DSCAM: variants seen among roughly 807,000 people sequenced by gnomAD.
The protein encoded by DSCAM is DS cell adhesion molecule.
In DSCAM, 47 loss-of-function variants were observed where a neutral mutation model predicts 217.7. The observed-to-expected ratio is 0.22, with a 90% CI of 0.17 to 0.28. The LOEUF is 0.28. Among genes scored for constraint, DSCAM ranks in the 10% least tolerant of loss-of-function variants. DSCAM has a pLI of 1.00. For missense variants in DSCAM, 2,080 were observed against 2,618.3 expected, an observed-to-expected ratio of 0.79 and a Z score of 4.49; for synonymous variants, 1,056 against 1,015.3, an observed-to-expected ratio of 1.04 and a Z score of -0.76.
chr21:40,336,064 G>A (rs1484389592), intron 8 of DSCAM, among the ~76,000 whole-genome samples: 1 of 152,104 alleles, frequency 6.6e-6, no homozygotes, highest in Non-Finnish European at 1.5e-5. Context: ...TAAAGCTCAC[G>A]TTATTTTTAA....
chr21:40,772,684 C>A (rs1365947044), intron 1 of DSCAM, among the ~76,000 whole-genome samples: 1 of 152,162 alleles, frequency 6.6e-6, no homozygotes, highest in Non-Finnish European at 1.5e-5. Flanking sequence ...ATCATACAAC[C>A]TCCCCCTTCC....
At chr21:40,033,797 G>C (rs1225965728) in intron 32 of DSCAM, among the ~76,000 whole-genome samples, 2 of 150,888 alleles carry the variant, frequency 1.3e-5, no homozygotes, top group South Asian at 4.2e-4. Flanking sequence ...GCTTTGAAGA[G>C]AGCAGTGGTC....
chr21:40,353,402 C>T (rs1432363935), intron 5 of DSCAM, 63 bp downstream of exon 5: 1 of 1,574,148 alleles, frequency 6.4e-7, no homozygotes, highest in Non-Finnish European at 8.6e-7. Flanking sequence ...TGGAGATTTG[C>T]TTATAACAGG....
At chr21:40,030,293 T>C (rs1168667140) in intron 32 of DSCAM, among the ~76,000 whole-genome samples, 1 of 151,388 alleles carries the variant, frequency 6.6e-6, no homozygotes, top group African/African-American at 2.4e-5. Context: ...CAGTGATTGA[T>C]AGACAAGACC....
At chr21:40,073,568 G>A (rs1045522375) in intron 27 of DSCAM, among the ~76,000 whole-genome samples, 2 of 152,182 alleles carry the variant, frequency 1.3e-5, no homozygotes, top group Admixed American at 1.3e-4. Flanking sequence ...ATAATGGGCT[G>A]TATTATACGC....
chr21:40,056,713 T>A (rs2089031097), intron 28 of DSCAM, among the ~76,000 whole-genome samples: 1 of 152,232 alleles, frequency 6.6e-6, no homozygotes, highest in Admixed American at 6.5e-5. Flanking sequence ...GTCACTTGGA[T>A]AATCCAATCA....
Position 40,078,880 on chromosome 21 carries a change from G to T in DSCAM, c.4518C>A (p.Ile1506=). The change falls in exon 26 of 33, where the codon ATC becomes ATA. Residue 1506 remains isoleucine, a synonymous_variant. Transcript: ENST00000400454. ...LIGWNDGGCP[I]TSFTLEYRPF... is the part of the protein sequence containing the mutation. ...GCCTGTACTCTAGTGTGAAGGAGGT[G>T]ATGGGGCAGCCGCCATCATTCCAGC... 2 of 1,614,208 alleles carry T rather than the reference G, an allele frequency of 1.2e-6. No homozygotes were observed. The highest frequency in any genetic ancestry group is 1.7e-6 in the Non-Finnish European group (2 of 1,180,032).
chr21:40,507,683 G>A (rs1042061665), intron 3 of DSCAM, among the ~76,000 whole-genome samples: 14 of 152,180 alleles, frequency 9.2e-5, no homozygotes, highest in Non-Finnish European at 1.3e-4. Flanking sequence ...CCAGCTACTC[G>A]GGAGGCTGAG....
intron 3 of DSCAM, among the ~76,000 whole-genome samples, chr21:40,684,644 A>C (rs2837782): frequency 0.72 from 109,907 of 152,118 alleles, 41,818 homozygotes; most frequent in East Asian, 0.88. Context: ...TTCTGAGTCA[A>C]AAATTATATT....
In DSCAM at chr21:40,296,164, CTT is replaced by C; in HGVS notation, c.2071_2072del (p.Lys691ValfsTer23). On this transcript the variant is annotated frameshift_variant, in exon 10 of 33. Coordinates refer to ENST00000400454, the MANE Select transcript of DSCAM (RefSeq NM_001389.5). LOFTEE classifies it high-confidence loss of function. ...QSQLIVRVPPKFVVQPRDQDG... is the reference protein window; with the variant it reads ...QSQLIVRVPPXFVVQPRDQDG... ...CCTGGTCCCGTGGCTGAACCACAAA[CTT>C]GGGAGGAACTGAAAAGAGAGAAATG... 6.2e-7 allele frequency: 1 copy of C among 1,613,968 alleles called. No homozygotes were observed.
intron 1 of DSCAM, among the ~76,000 whole-genome samples, chr21:40,836,016 G>A (rs1821570234): frequency 1.3e-5 from 2 of 152,198 alleles, no homozygotes; most frequent in Admixed American, 1.3e-4. Flanking sequence ...TTCAGATCTG[G>A]CTCTGGAATG....
intron 10 of DSCAM, among the ~76,000 whole-genome samples, chr21:40,280,725 A>G (rs2073749713): frequency 6.6e-6 from 1 of 152,172 alleles, no homozygotes; most frequent in Admixed American, 6.5e-5. Context: ...TTTTTATGCA[A>G]ATGGACTTTA....
At chr21:40,303,600 G>A (rs937453763) in intron 9 of DSCAM, among the ~76,000 whole-genome samples, 2 of 152,082 alleles carry the variant, frequency 1.3e-5, no homozygotes, top group Admixed American at 1.3e-4. Flanking sequence ...GAGACTTGGT[G>A]TCTTTATTTT....
rs2089814808 is a variant in DSCAM, at chr21:40,637,598, T to TATATAAATATATAC, written c.508+55211_508+55212insGTATATATTTATAT. Among the ~76,000 whole-genome samples, 35 of 49,610 alleles carry TATATAAATATATAC rather than the reference T, an allele frequency of 7.1e-4. 2 individuals carry two copies. Among genetic ancestry groups the TATATAAATATATAC allele is most frequent in the Non-Finnish European group, 9.8e-4 (28 of 28,442 alleles). 32.5% of individuals were successfully genotyped at this position (49,610 alleles called of 152,430 possible). Reference sequence around the variant, plus strand: ...ATATAAATATATACATATATAAATATATATATAAATATATATAAATATATA... The same window carrying TATATAAATATATAC: ...ATATAAATATATACATATATAAATATATATAAATATATACATATATAAATATATATAAATATATA... On this transcript the variant is annotated intron_variant, in intron 3 of 32. Transcript: ENST00000400454.
chr21:40,442,908 C>T (rs2075644399), intron 3 of DSCAM, among the ~76,000 whole-genome samples: 2 of 152,082 alleles, frequency 1.3e-5, no homozygotes, highest in South Asian at 4.2e-4. Context: ...GTCTCTCTTC[C>T]CCGGTACATG....
At chr21:40,175,780 T>TACACACACACACACACACAC (rs35339524) in intron 15 of DSCAM, among the ~76,000 whole-genome samples, 2 of 144,846 alleles carry the variant, frequency 1.4e-5, no homozygotes, top group South Asian at 2.2e-4. Flanking sequence ...AACACACACA[T>TACACACACACACACACACAC]ACACACACAC....
At chr21:40,072,045 A>G (rs146938341) in intron 27 of DSCAM, among the ~76,000 whole-genome samples, 1 of 152,298 alleles carries the variant, frequency 6.6e-6, no homozygotes, top group East Asian at 1.9e-4. Context: ...ACAGTTACGG[A>G]GATGAGTCTG....
intron 3 of DSCAM, among the ~76,000 whole-genome samples, chr21:40,411,213 C>A (rs2075320693): frequency 6.6e-6 from 1 of 150,720 alleles, no homozygotes; most frequent in South Asian, 2.1e-4. Flanking sequence ...CACACACACA[C>A]ACACACACAC....
chr21:40,330,764 A>G (rs74869510), intron 8 of DSCAM, among the ~76,000 whole-genome samples: 4,058 of 152,304 alleles, frequency 0.027, 180 homozygotes, highest in East Asian at 0.23. Flanking sequence ...AAGGGAGGAC[A>G]GTGAAAGTTC....
Sources: gnomAD v4.1 joint callset for allele counts (sites outside exome capture counted in the v4.1 genomes callset) on GRCh38, gnomAD v4.1.1 for gene constraint, MANE v1.5 for transcripts, NCBI Gene and HGNC (gene_info 2026-07-23, HGNC 2026-07-21) for gene names.